Variants in SOX5 observed in about 807,000 individuals in gnomAD.
SOX5 encodes the protein SRY-box transcription factor 5, also known as transcription factor SOX-5.
Under a neutral mutation model 92.0 loss-of-function variants are expected in SOX5, and 9 were observed. That is an observed-to-expected ratio of 0.10 (90% confidence interval 0.06 to 0.17). SOX5 has a LOEUF of 0.17. Among genes scored for constraint, SOX5 ranks in the 10% least tolerant of loss-of-function variants. The pLI, the probability that SOX5 is intolerant of heterozygous loss-of-function variation, is 1.00. For synonymous variants in SOX5, 344 were observed against 336.3 expected (o/e 1.02, Z -0.25); for missense variants, 642 against 944.5 (o/e 0.68, Z 4.20).
intron 4 of SOX5, among the ~76,000 whole-genome samples, chr12:23,974,878 AAGGAG>A (rs1297205446): frequency 6.6e-6 from 1 of 152,208 alleles, no homozygotes; most frequent in Non-Finnish European, 1.5e-5. Context: ...GTTATAAGAA[AAGGAG>A]AGAAGACAAA....
At chr12:23,563,877 T>G (rs1379750259) in intron 10 of SOX5, among the ~76,000 whole-genome samples, 1 of 152,200 alleles carries the variant, frequency 6.6e-6, no homozygotes, top group Non-Finnish European at 1.5e-5. Flanking sequence ...ATAGCACTAT[T>G]AAGTTTGTTA....
chr12:23,768,046 T>C (rs1283631515), intron 3 of SOX5, among the ~76,000 whole-genome samples: 1 of 152,178 alleles, frequency 6.6e-6, no homozygotes, highest in Non-Finnish European at 1.5e-5. Context: ...ATGGATTCCA[T>C]GCTTTCCTAA....
At chr12:23,731,387 T>C (rs1317564182) in intron 6 of SOX5, among the ~76,000 whole-genome samples, 1 of 152,214 alleles carries the variant, frequency 6.6e-6, no homozygotes, top group Non-Finnish European at 1.5e-5. Flanking sequence ...TATATTTATA[T>C]CTATCTATAT....
At chr12:23,961,253 C>T (rs1357593084) in intron 4 of SOX5, among the ~76,000 whole-genome samples, 2 of 152,084 alleles carry the variant, frequency 1.3e-5, no homozygotes, top group Non-Finnish European at 2.9e-5. Flanking sequence ...TTCAAACACC[C>T]TATTGAATAT....
intron 2 of SOX5, among the ~76,000 whole-genome samples, chr12:24,300,017 T>G (rs1420841713): frequency 6.6e-6 from 1 of 152,210 alleles, no homozygotes; most frequent in Non-Finnish European, 1.5e-5. Flanking sequence ...AAGCTTTTCC[T>G]TAGGAACTTC....
intron 4 of SOX5, among the ~76,000 whole-genome samples, chr12:24,015,768 A>G (rs1592351184): frequency 6.6e-6 from 1 of 152,158 alleles, no homozygotes; most frequent in Non-Finnish European, 1.5e-5. Context: ...TCTGACATCA[A>G]AAAAGGGCGC....
intron 1 of SOX5, among the ~76,000 whole-genome samples, chr12:24,512,222 T>C (rs1197721819): frequency 1.3e-5 from 2 of 152,218 alleles, no homozygotes; most frequent in Non-Finnish European, 2.9e-5. Context: ...TGATACTCTG[T>C]TAAGATGTCT....
At chr12:23,610,869 G>A (rs1364233970) in intron 8 of SOX5, among the ~76,000 whole-genome samples, 1 of 152,040 alleles carries the variant, frequency 6.6e-6, no homozygotes, top group East Asian at 1.9e-4. Context: ...TTTGAAAAAA[G>A]TTAAAAGTAT....
chr12:24,334,585 TG>T (rs1410634761), intron 2 of SOX5, among the ~76,000 whole-genome samples: 1 of 152,208 alleles, frequency 6.6e-6, no homozygotes, highest in East Asian at 1.9e-4. Flanking sequence ...ATACTGCCAA[TG>T]GAAAGTTACC....
chr12:23,923,628 C>T lies in SOX5; in HGVS notation c.38+25936G>A, dbSNP rs1939104453. 2.0e-5 allele frequency among the ~76,000 whole-genome samples: 3 copies of T among 152,076 alleles called. No homozygotes were observed. The South Asian group carries it at 6.2e-4, about 31-fold the overall frequency. ...ATAAACTCCATAATGCAATCCCCGCCCCAAGCTCAAAGAACAATACTTTTT... is the reference window on the plus strand; with the variant it reads ...ATAAACTCCATAATGCAATCCCCGCTCCAAGCTCAAAGAACAATACTTTTT... On this transcript the variant is annotated intron_variant, in intron 1 of 14. Transcript: ENST00000451604.
chr12:24,157,216 A>T (rs1952273146), intron 4 of SOX5, among the ~76,000 whole-genome samples: 1 of 152,108 alleles, frequency 6.6e-6, no homozygotes, highest in Non-Finnish European at 1.5e-5. Context: ...AAACTTCTTA[A>T]AATGTATAAA....
intron 1 of SOX5, among the ~76,000 whole-genome samples, chr12:23,928,253 G>A (rs1055321441): frequency 6.6e-6 from 1 of 152,036 alleles, no homozygotes; most frequent in Non-Finnish European, 1.5e-5. Context: ...CGAAAACCAG[G>A]ATCTCAGAGA....
At chr12:23,953,865 A>C (rs1945958486), upstream of SOX5, among the ~76,000 whole-genome samples, 3 of 152,044 alleles carry the variant, frequency 2.0e-5, no homozygotes, top group Admixed American at 2.0e-4. Flanking sequence ...CATCGGTATA[A>C]TGGAAAATGG....
At chr12:24,417,511 T>TA (rs1355300065) in intron 1 of SOX5, among the ~76,000 whole-genome samples, 1 of 152,144 alleles carries the variant, frequency 6.6e-6, no homozygotes, top group Admixed American at 6.5e-5. Context: ...GTCTCTACCT[T>TA]AAAAAAGATC....
chr12:23,672,690 T>C (rs557401183), intron 6 of SOX5, among the ~76,000 whole-genome samples: 117 of 152,264 alleles, frequency 7.7e-4, no homozygotes, highest in African/African-American at 2.6e-3. Context: ...TGAAATATTA[T>C]ATGGTCACTG....
intron 1 of SOX5, among the ~76,000 whole-genome samples, chr12:24,400,285 C>T (rs1414977043): frequency 6.6e-6 from 1 of 152,184 alleles, no homozygotes; most frequent in Non-Finnish European, 1.5e-5. Flanking sequence ...TTTTCATAAC[C>T]TTCCATTTTG....
chr12:24,355,512 T>C (rs1954725891), intron 2 of SOX5, among the ~76,000 whole-genome samples: 2 of 151,930 alleles, frequency 1.3e-5, no homozygotes, highest in African/African-American at 2.4e-5. Flanking sequence ...GGGGCACCCA[T>C]GGGCATTTTA....
At chr12:24,315,419 A>C (rs1949607892) in intron 2 of SOX5, among the ~76,000 whole-genome samples, 1 of 152,216 alleles carries the variant, frequency 6.6e-6, no homozygotes, top group Non-Finnish European at 1.5e-5. Flanking sequence ...AAAAAGGGAA[A>C]AAATACAGAA....
At chr12:24,346,586 GGGACTACAGGTGCGTGCCACCATGT>G (rs1953285890) in intron 2 of SOX5, among the ~76,000 whole-genome samples, 2 of 151,716 alleles carry the variant, frequency 1.3e-5, no homozygotes, top group African/African-American at 2.4e-5. Context: ...CCAAGTAGCT[GGGACTACAGGTGCGTGCCACCATGT>G]CCAGCTAATT....
Sources: gnomAD v4.1 joint callset for allele counts (sites outside exome capture counted in the v4.1 genomes callset) on GRCh38, gnomAD v4.1.1 for gene constraint, MANE v1.5 for transcripts, NCBI Gene and HGNC (gene_info 2026-07-23, HGNC 2026-07-21) for gene names.